PCDH9: variants seen among roughly 807,000 people sequenced by gnomAD.
The protein encoded by PCDH9 is protocadherin-9.
In PCDH9, 24 loss-of-function variants were observed where a neutral mutation model predicts 70.6. The ratio of observed to expected loss-of-function variants is 0.34; its 90% confidence interval spans 0.25 to 0.48. The LOEUF (loss-of-function observed/expected upper bound fraction) is 0.48, where lower values mean the gene tolerates loss of function less well. Among genes scored for constraint, PCDH9 ranks in the 20% least tolerant of loss-of-function variants. PCDH9 has a pLI of 0.99. For missense variants in PCDH9, 1,281 were observed against 1,503.6 expected (o/e 0.85, Z 2.45); for synonymous variants, 562 against 558.5 (o/e 1.01, Z -0.09).
At chr13:66,740,713 CT>C (rs1417348642) in intron 3 of PCDH9, among the ~76,000 whole-genome samples, 1 of 152,092 alleles carries the variant, frequency 6.6e-6, no homozygotes, top group Non-Finnish European at 1.5e-5. Flanking sequence ...CTACAAACAA[CT>C]CTATGCAAAT....
At chr13:66,582,660 C>T (rs1019987191) in intron 4 of PCDH9, among the ~76,000 whole-genome samples, 1 of 151,996 alleles carries the variant, frequency 6.6e-6, no homozygotes, top group South Asian at 2.1e-4. Context: ...ATAAATAAAA[C>T]AGATAAAATA....
intron 3 of PCDH9, among the ~76,000 whole-genome samples, chr13:66,902,198 GAA>G (rs1320734354): frequency 1.3e-5 from 2 of 151,270 alleles, no homozygotes; most frequent in African/African-American, 2.4e-5. Flanking sequence ...AAAAAAGAAA[GAA>G]AAATATAAAA....
At chr13:67,123,699 CTTAT>C (rs1234413234) in intron 2 of PCDH9, among the ~76,000 whole-genome samples, 3 of 151,972 alleles carry the variant, frequency 2.0e-5, no homozygotes, top group African/African-American at 7.2e-5. Context: ...CCATTTCATT[CTTAT>C]TTAATCTAAA....
At chr13:66,790,656 G>C (rs776369419) in intron 3 of PCDH9, among the ~76,000 whole-genome samples, 2 of 151,956 alleles carry the variant, frequency 1.3e-5, no homozygotes, top group Non-Finnish European at 2.9e-5. Context: ...TTCATCAATA[G>C]AGTAAATCCT....
At chr13:67,060,778 T>A (rs900318195) in intron 2 of PCDH9, among the ~76,000 whole-genome samples, 1 of 152,088 alleles carries the variant, frequency 6.6e-6, no homozygotes, top group African/African-American at 2.4e-5. Flanking sequence ...ATCTACTCCA[T>A]CCTTTCCTAG....
chr13:66,303,527 T>C lies in PCDH9; in HGVS notation c.*1128A>G. 1 of 152,524 alleles carries C rather than the reference T, an allele frequency of 6.6e-6. No homozygotes were observed. The highest frequency in any genetic ancestry group is 1.9e-4 in the East Asian group (1 of 5,190). 9.4% of individuals were successfully genotyped at this position (152,524 alleles called of 1,614,324 possible). The stretch of plus-strand genomic sequence containing the variant: ...TAACACTTGTGTTACAACAACATTA[T>C]TGTATATGAGGATCAACACAGACTC... On this transcript the variant is annotated 3_prime_UTR_variant, in exon 5 of 5. Coordinates refer to ENST00000377865, the MANE Select transcript of PCDH9 (RefSeq NM_203487.3).
At chr13:66,868,301 A>G (rs1031423227) in intron 3 of PCDH9, among the ~76,000 whole-genome samples, 3 of 152,046 alleles carry the variant, frequency 2.0e-5, no homozygotes, top group Non-Finnish European at 4.4e-5. Flanking sequence ...TTATAATTAC[A>G]TTTATTTACA....
chr13:67,125,796 A>T (rs1415566930), intron 2 of PCDH9, among the ~76,000 whole-genome samples: 1 of 151,472 alleles, frequency 6.6e-6, no homozygotes, highest in Non-Finnish European at 1.5e-5. Context: ...GCATTTTCCT[A>T]CCTTTAGTTT....
At chr13:66,373,955 T>A (rs1361705980) in intron 4 of PCDH9, among the ~76,000 whole-genome samples, 1 of 152,074 alleles carries the variant, frequency 6.6e-6, no homozygotes, top group Non-Finnish European at 1.5e-5. Flanking sequence ...CAAAAATACA[T>A]TTATTAGTGT....
At chr13:66,774,093 T>C (rs1411497335) in intron 3 of PCDH9, among the ~76,000 whole-genome samples, 2 of 152,170 alleles carry the variant, frequency 1.3e-5, no homozygotes, top group East Asian at 3.9e-4. Context: ...TGTAATTTTT[T>C]ACACTAACAT....
At chr13:66,933,748 C>A (rs543180245) in intron 2 of PCDH9, among the ~76,000 whole-genome samples, 1 of 151,990 alleles carries the variant, frequency 6.6e-6, no homozygotes, top group Non-Finnish European at 1.5e-5. Context: ...TCTTAGAACC[C>A]CGTGAAGTGT....
chr13:66,591,474 A>C (rs940259650), intron 4 of PCDH9, among the ~76,000 whole-genome samples: 1 of 145,286 alleles, frequency 6.9e-6, no homozygotes, highest in Non-Finnish European at 1.5e-5. Context: ...AAAAAAAAAC[A>C]AAAAAAAAAG....
chr13:67,102,387 T>C (rs949844704), intron 2 of PCDH9, among the ~76,000 whole-genome samples: 1 of 152,124 alleles, frequency 6.6e-6, no homozygotes, highest in Non-Finnish European at 1.5e-5. Context: ...TCCGAGAATA[T>C]TCTAAACACA....
rs574834378 is a variant in PCDH9 at position 67,095,056 on chromosome 13, G to A, written c.3036+130349C>T. On this transcript the variant is annotated intron_variant, in intron 2 of 4. Transcript: ENST00000377865. ...CATATATATTTTGATTTAAAAGCAT[G>A]AGAGTTTTTTTTTCAAAAAGACAAA... Among the ~76,000 whole-genome samples, 20 of 152,198 alleles carry A rather than the reference G, an allele frequency of 1.3e-4. No homozygotes were observed. The South Asian group carries it at 3.9e-3, about 30-fold the overall frequency.
chr13:67,215,367 A>T (rs1264655492), intron 2 of PCDH9: 2 of 152,070 alleles, frequency 1.3e-5, no homozygotes. Context: ...TGGATGGCTC[A>T]AAAGTCTATT....
intron 4 of PCDH9, among the ~76,000 whole-genome samples, chr13:66,583,661 G>T (rs574625900): frequency 1.3e-5 from 2 of 151,974 alleles, no homozygotes; most frequent in South Asian, 4.2e-4. Flanking sequence ...GTTATTTCTT[G>T]TTCTATTTAA....
At position 67,092,669 on chromosome 13, in the gene PCDH9, T is replaced by C. The variant is rs191859832; in HGVS notation, c.3036+132736A>G. Among the ~76,000 whole-genome samples, 61 of 152,306 alleles carry C rather than the reference T, an allele frequency of 4.0e-4. No homozygotes were observed. The East Asian group carries it at 7.7e-3, about 19-fold the overall frequency. Reference sequence around the variant, plus strand: ...CATACCTTGTTTGCTAAAGTTGTCATCTCAAAGGTACTAAACCGCATGATT... The same window carrying C: ...CATACCTTGTTTGCTAAAGTTGTCACCTCAAAGGTACTAAACCGCATGATT... On this transcript the variant is annotated intron_variant, in intron 2 of 4. Transcript: ENST00000377865.
chr13:67,180,602 C>G (rs538454754), intron 2 of PCDH9, among the ~76,000 whole-genome samples: 1 of 152,246 alleles, frequency 6.6e-6, no homozygotes, highest in East Asian at 1.9e-4. Flanking sequence ...TCTGCATGGC[C>G]TATGTCCATT....
chr13:67,049,868 C>A (rs1371479124), intron 2 of PCDH9, among the ~76,000 whole-genome samples: 1 of 152,164 alleles, frequency 6.6e-6, no homozygotes, highest in African/African-American at 2.4e-5. Flanking sequence ...CTGCATGCAG[C>A]CAAATATTTC....
Sources: allele counts gnomAD v4.1 joint callset (sites outside exome capture counted in the v4.1 genomes callset), GRCh38; gene constraint gnomAD v4.1.1; transcripts MANE v1.5; gene names NCBI Gene and HGNC (gene_info 2026-07-23, HGNC 2026-07-21).